Variants in AKAP7 observed in about 807,000 individuals in gnomAD.
The protein encoded by AKAP7 is A-kinase anchoring protein 7.
In AKAP7, 39 loss-of-function variants were observed where a neutral mutation model predicts 39.5. The observed-to-expected ratio is 0.99, with a 90% CI of 0.76 to 1.29. The LOEUF is 1.29. Ranked by LOEUF, AKAP7 falls within the 50% of genes most tolerant of loss-of-function variation. The pLI is 0.00. For missense variants in AKAP7, 414 were observed against 407.7 expected (o/e 1.02, Z -0.13); for synonymous variants, 140 against 139.1 (o/e 1.01, Z -0.05).
At chr6:131,159,996 T>C in intron 2 of AKAP7, 63 bp from the exon 3 acceptor site, 4 of 1,408,518 alleles carry the variant, frequency 2.8e-6, no homozygotes, top group Non-Finnish European at 3.8e-6. Context: ...GCTTGTTTTT[T>C]TTTCTGACTG....
intron 7 of AKAP7, 93 bp downstream of exon 7, chr6:131,219,901 G>A (rs959132788): frequency 1.8e-5 from 16 of 884,422 alleles, no homozygotes; most frequent in African/African-American, 8.9e-5. Flanking sequence ...AGTTGTATAC[G>A]TTTTTCTCAA....
rs935403781 is a variant in AKAP7 at position 131,187,953 on chromosome 6, A to G, written c.590-11508A>G. On this transcript the variant is annotated intron_variant, in intron 5 of 7. Coordinates refer to ENST00000431975, the MANE Select transcript of AKAP7 (RefSeq NM_016377.4). ...AATTTATTATGGTCTCATCACTTTT[A>G]CTATCAGTGTTAAGTGATGTGTCTA... Among the ~76,000 whole-genome samples the G allele has an allele frequency of 2.0e-5, 3 of 152,328 alleles. No homozygotes were observed. In the East Asian group the frequency reaches 5.8e-4, roughly 29 times the overall value.
intron 7 of AKAP7, among the ~76,000 whole-genome samples, chr6:131,258,224 G>A (rs1813020194): frequency 6.6e-6 from 1 of 152,184 alleles, no homozygotes; most frequent in Admixed American, 6.5e-5. Context: ...CAGGTGTTCT[G>A]AAAGGTATGA....
intron 7 of AKAP7, among the ~76,000 whole-genome samples, chr6:131,224,373 T>C (rs1054233063): frequency 1.3e-5 from 2 of 152,196 alleles, no homozygotes; most frequent in Non-Finnish European, 2.9e-5. Flanking sequence ...AATGTCAATT[T>C]CTTGAGGCTT....
chr6:131,270,741 C>G (rs1814201084), intron 7 of AKAP7, among the ~76,000 whole-genome samples: 1 of 152,130 alleles, frequency 6.6e-6, no homozygotes. Context: ...TTAGTATTGT[C>G]TATCTTTTTA....
chr6:131,146,968 A>G (rs2128228209), intron 2 of AKAP7, among the ~76,000 whole-genome samples: 1 of 152,330 alleles, frequency 6.6e-6, no homozygotes, highest in Admixed American at 6.5e-5. Context: ...TCATCTCATA[A>G]GATGAATGCC....
intron 1 of AKAP7, among the ~76,000 whole-genome samples, chr6:131,138,350 T>C (rs946451871): frequency 4.6e-5 from 7 of 152,214 alleles, no homozygotes; most frequent in African/African-American, 1.4e-4. Flanking sequence ...CATATTTCCT[T>C]TTTCCATTGG....
In AKAP7 at chr6:131,222,307, T is replaced by C. The variant is rs373702389; in HGVS notation, c.850+2499T>C. ...TTGGGAGGCCAAGGCGGGCGGATCA[T>C]AAGGTCAGGAGATCGAGACCATCCT... is the stretch of plus-strand genomic sequence containing the variant. On this transcript the variant is annotated intron_variant, in intron 7 of 7. Transcript: ENST00000431975. Among the ~76,000 whole-genome samples, 53 of 152,170 alleles carry C rather than the reference T, an allele frequency of 3.5e-4. 3 individuals are homozygous for C. The East Asian group carries it at 7.8e-3, about 22-fold the overall frequency.
intron 6 of AKAP7, among the ~76,000 whole-genome samples, chr6:131,201,070 C>G (rs967390855): frequency 6.6e-6 from 1 of 152,194 alleles, no homozygotes; most frequent in Non-Finnish European, 1.5e-5. Context: ...CAGAATCAAT[C>G]TTACCCTATA....
chr6:131,156,829 C>T (rs1427332154), intron 2 of AKAP7, among the ~76,000 whole-genome samples: 1 of 151,210 alleles, frequency 6.6e-6, no homozygotes, highest in Non-Finnish European at 1.5e-5. Flanking sequence ...CTGGAGTGTG[C>T]AGTGGTGCAA....
Position 131,158,231 on chromosome 6 carries a change from T to G in AKAP7, c.152-1828T>G, listed in dbSNP as rs553770317. 1.8e-3 allele frequency among the ~76,000 whole-genome samples: 276 copies of G among 152,360 alleles called. 1 individual carries two copies. Among genetic ancestry groups the G allele is most frequent in the Non-Finnish European group, 1.6e-3 (107 of 68,038 alleles). ...CAGTAGCAAAGTTTTTCTGCTTTTC[T>G]GTTTTATCGTGTAAAATAAGGGATT... On this transcript the variant is annotated intron_variant, in intron 2 of 7. Transcript: ENST00000431975.
At chr6:131,262,203 A>T (rs2128327342) in intron 7 of AKAP7, among the ~76,000 whole-genome samples, 1 of 152,332 alleles carries the variant, frequency 6.6e-6, no homozygotes, top group Admixed American at 6.5e-5. Context: ...GGCAACACTG[A>T]TGAGAGTAAT....
chr6:131,170,844 A>T (rs571762384), intron 5 of AKAP7, among the ~76,000 whole-genome samples: 68 of 152,332 alleles, frequency 4.5e-4, no homozygotes, highest in African/African-American at 1.6e-3. Context: ...TATATGGTTT[A>T]AGTTCGCTGA....
intron 5 of AKAP7, among the ~76,000 whole-genome samples, chr6:131,177,720 T>G (rs535960864): frequency 6.6e-6 from 1 of 152,236 alleles, no homozygotes; most frequent in African/African-American, 2.4e-5. Context: ...AGTTAAGTAA[T>G]TTGTTAGTGA....
intron 7 of AKAP7, among the ~76,000 whole-genome samples, chr6:131,251,121 G>A (rs993150665): frequency 6.6e-6 from 1 of 152,222 alleles, no homozygotes; most frequent in African/African-American, 2.4e-5. Flanking sequence ...AAGTGTGCCT[G>A]TGAGACCACT....
At chr6:131,185,736 T>A (rs1043632280) in intron 5 of AKAP7, among the ~76,000 whole-genome samples, 1 of 152,246 alleles carries the variant, frequency 6.6e-6, no homozygotes, top group African/African-American at 2.4e-5. Flanking sequence ...TTATCAGATA[T>A]ACGATTTGCA....
In AKAP7 at chr6:131,280,804, T is replaced by A. The variant is rs1035410831; in HGVS notation, c.851-726T>A. On this transcript the variant is annotated intron_variant, in intron 7 of 7. Coordinates refer to ENST00000431975, the MANE Select transcript of AKAP7 (RefSeq NM_016377.4). Reference sequence around the variant, plus strand: ...AGCATGAGAATAGTTGGGAACCAGCTCTTTTAGAATAAAATGAAAGATGGA... The same window carrying A: ...AGCATGAGAATAGTTGGGAACCAGCACTTTTAGAATAAAATGAAAGATGGA... 3.9e-5 allele frequency among the ~76,000 whole-genome samples: 6 copies of A among 152,196 alleles called. No homozygotes were observed. The East Asian group carries it at 5.8e-4, about 15-fold the overall frequency.
Position 131,135,744 on chromosome 6 carries a change from C to T in AKAP7, c.-20C>T. 8.2e-7 allele frequency: 1 copy of T among 1,222,412 alleles called. No individual in the cohort carries two copies. Among genetic ancestry groups the T allele is most frequent in the Non-Finnish European group, 1.0e-6 (1 of 983,844 alleles). The allele number at this position is 1,222,412 out of a possible 1,614,324, so 75.7% of individuals were successfully genotyped here. On this transcript the variant is annotated 5_prime_UTR_variant, in exon 1 of 8. Transcript: ENST00000431975. ...GCCGCTGCCGCCAGCCCAGACGCGC[C>T]GCCCGCATGCGCCGCGACCATGGAG...
chr6:131,160,178 A>G lies in AKAP7; in HGVS notation c.271A>G (p.Ile91Val). 7 of 1,601,870 alleles carry G rather than the reference A, an allele frequency of 4.4e-6. No individual in the cohort carries two copies. Among genetic ancestry groups the G allele is most frequent in the Non-Finnish European group, 5.9e-6 (7 of 1,177,408 alleles). Residue 91 changes from isoleucine (I) to valine (V), a missense_variant, in exon 3 of 8, where the codon ATT (isoleucine) becomes GTT (valine). By Grantham distance (29) the Ile-to-Val change is conservative (BLOSUM62 3). Transcript: ENST00000431975. ...KDYQPNYFLS[I>V]PITNKEIIKG... ...TTATCAACCCAACTATTTCCTGTCC[A>G]TTCCAATCACCAACAAAGAGGTGCT...
Sources: gnomAD v4.1 joint callset for allele counts (sites outside exome capture counted in the v4.1 genomes callset) on GRCh38, gnomAD v4.1.1 for gene constraint, MANE v1.5 for transcripts, NCBI Gene and HGNC (gene_info 2026-07-23, HGNC 2026-07-21) for gene names.